Variants in IQCM observed in about 807,000 individuals in gnomAD.
IQCM encodes the protein IQ domain-containing protein M.
In IQCM, 45 loss-of-function variants were observed where a neutral mutation model predicts 57.6. The ratio of observed to expected loss-of-function variants is 0.78; its 90% confidence interval spans 0.62 to 1.00. The LOEUF is 1.00. Ranked by LOEUF, IQCM falls within the 50% of genes least tolerant of loss-of-function variation. The pLI is 0.00. For synonymous variants in IQCM, 148 were observed against 158.9 expected (o/e 0.93, Z 0.51); for missense variants, 468 against 511.6 (o/e 0.91, Z 0.82).
chr4:149,694,035 A>T (rs928387364), intron 5 of IQCM, among the ~76,000 whole-genome samples: 7 of 152,068 alleles, frequency 4.6e-5, no homozygotes, highest in African/African-American at 7.2e-5. Flanking sequence ...ACTGGGACTT[A>T]TTTCCCTTGA....
intron 2 of IQCM, among the ~76,000 whole-genome samples, chr4:149,813,012 A>C (rs6836499): frequency 0.4 from 61,080 of 152,000 alleles, 16,499 homozygotes; most frequent in African/African-American, 0.75. Flanking sequence ...CTATATTTAA[A>C]CCTCGGTGAA....
At chr4:149,461,099 T>A (rs1390451263) in intron 12 of IQCM, among the ~76,000 whole-genome samples, 3 of 151,946 alleles carry the variant, frequency 2.0e-5, no homozygotes, top group Non-Finnish European at 4.4e-5. Context: ...GCGGGTGTGG[T>A]GGCACACGCC....
chr4:149,471,431 C>T (rs891558317), intron 12 of IQCM, among the ~76,000 whole-genome samples: 2 of 152,082 alleles, frequency 1.3e-5, no homozygotes, highest in Non-Finnish European at 1.5e-5. Flanking sequence ...GAAGCTGAAT[C>T]CCTGAATAGA....
chr4:149,727,160 T>C (rs1452613548), intron 5 of IQCM, among the ~76,000 whole-genome samples: 1 of 152,226 alleles, frequency 6.6e-6, no homozygotes, highest in Non-Finnish European at 1.5e-5. Flanking sequence ...TGGACAATAT[T>C]ATCTATAAAT....
intron 13 of IQCM, among the ~76,000 whole-genome samples, chr4:149,359,953 AG>A (rs993031374): frequency 6.6e-6 from 1 of 152,182 alleles, no homozygotes; most frequent in Non-Finnish European, 1.5e-5. Context: ...GGTGATATAA[AG>A]GGCACTAGCT....
At chr4:149,516,644 T>C (rs980143208) in intron 12 of IQCM, among the ~76,000 whole-genome samples, 57 of 152,082 alleles carry the variant, frequency 3.7e-4, no homozygotes, top group African/African-American at 1.3e-3. Context: ...CCAGGATTCA[T>C]GGGGCCAGGA....
chr4:149,752,821 A>G (rs28405068), intron 2 of IQCM, among the ~76,000 whole-genome samples: 128,807 of 152,002 alleles, frequency 0.85, 54,775 homozygotes, highest in East Asian at 1. Context: ...ATGACTAGCT[A>G]AAAAGAGGTA....
intron 13 of IQCM, among the ~76,000 whole-genome samples, chr4:149,388,927 G>A (rs768283092): frequency 7.3e-5 from 11 of 151,012 alleles, no homozygotes; most frequent in Admixed American, 2.6e-4. Context: ...CTCCCAATCC[G>A]TGGGTTGTCT....
intron 12 of IQCM, among the ~76,000 whole-genome samples, chr4:149,440,160 G>T (rs374840993): frequency 8.4e-5 from 12 of 142,074 alleles, no homozygotes; most frequent in African/African-American, 2.7e-4. Flanking sequence ...TAGAGACGGG[G>T]TTTCTCCATG....
At chr4:149,556,523 C>T (rs982152176) in intron 10 of IQCM, among the ~76,000 whole-genome samples, 1 of 152,028 alleles carries the variant, frequency 6.6e-6, no homozygotes, top group African/African-American at 2.4e-5. Context: ...GATATCTTGA[C>T]CACATTTGTT....
At chr4:149,567,864 A>T (rs114420511) in intron 9 of IQCM, among the ~76,000 whole-genome samples, 1 of 152,012 alleles carries the variant, frequency 6.6e-6, no homozygotes, top group Non-Finnish European at 1.5e-5. Flanking sequence ...TTTCCTATAT[A>T]TTGGCCCTTA....
At chr4:149,729,123 C>T (rs1766224937) in intron 5 of IQCM, among the ~76,000 whole-genome samples, 1 of 152,188 alleles carries the variant, frequency 6.6e-6, no homozygotes, top group Admixed American at 6.5e-5. Flanking sequence ...TGAGAAGGCC[C>T]CCTAACCTGG....
intron 13 of IQCM, among the ~76,000 whole-genome samples, chr4:149,399,857 C>G (rs546196426): frequency 7.2e-5 from 11 of 152,188 alleles, no homozygotes; most frequent in African/African-American, 2.6e-4. Flanking sequence ...GTAGCAAGTT[C>G]TCTTCAATAA....
At chr4:149,541,064 G>T (rs879519192) in intron 12 of IQCM, among the ~76,000 whole-genome samples, 1 of 152,024 alleles carries the variant, frequency 6.6e-6, no homozygotes, top group East Asian at 1.9e-4. Context: ...TAAACTTTAC[G>T]ATTAGAGTGC....
intron 8 of IQCM, among the ~76,000 whole-genome samples, chr4:149,604,221 A>G (rs1394499271): frequency 1.3e-5 from 2 of 152,144 alleles, no homozygotes; most frequent in African/African-American, 4.8e-5. Context: ...TTGTGAATCC[A>G]CTTATCTTCT....
At chr4:149,761,109 T>C (rs1487522835) in intron 2 of IQCM, among the ~76,000 whole-genome samples, 1 of 152,112 alleles carries the variant, frequency 6.6e-6, no homozygotes, top group Non-Finnish European at 1.5e-5. Context: ...ATACCTTTGA[T>C]ACATACGCCA....
At position 149,669,758 on chromosome 4, in the gene IQCM, G is replaced by C. The variant is rs535339841; in HGVS notation, c.565+12360C>G. On this transcript the variant is annotated intron_variant, in intron 7 of 13. Transcript: ENST00000636793. Reference sequence around the variant, plus strand: ...AATCCTTTCCCCATTGCTTGTTTTTGTCAGGTTTGTCAAAGATCAGACGGT... The same window carrying C: ...AATCCTTTCCCCATTGCTTGTTTTTCTCAGGTTTGTCAAAGATCAGACGGT... 3.7e-4 allele frequency among the ~76,000 whole-genome samples: 57 copies of C among 152,162 alleles called. No individual in the cohort carries two copies. The South Asian group carries it at 0.011, about 30-fold the overall frequency.
intron 12 of IQCM, among the ~76,000 whole-genome samples, chr4:149,436,030 G>A (rs1735331915): frequency 6.6e-6 from 1 of 152,040 alleles, no homozygotes; most frequent in African/African-American, 2.4e-5. Context: ...TCGCCTAAGT[G>A]TTCAGTGTTT....
intron 9 of IQCM, among the ~76,000 whole-genome samples, chr4:149,565,797 GAAAAA>G (rs1185215989): frequency 6.6e-6 from 1 of 151,652 alleles, no homozygotes; most frequent in East Asian, 1.9e-4. Context: ...GTGTGTAAAT[GAAAAA>G]AAAGTCATTT....
Sources: gnomAD v4.1 joint callset for allele counts (sites outside exome capture counted in the v4.1 genomes callset) on GRCh38, gnomAD v4.1.1 for gene constraint, MANE v1.5 for transcripts, NCBI Gene and HGNC (gene_info 2026-07-23, HGNC 2026-07-21) for gene names.